EYA1: variants seen among roughly 807,000 people sequenced by gnomAD.
The protein encoded by EYA1 is EYA transcriptional coactivator and phosphatase 1.
A neutral mutation model predicts 82.0 loss-of-function variants in EYA1; 16 were observed. The ratio of observed to expected loss-of-function variants is 0.20; its 90% CI spans 0.13 to 0.30. The LOEUF (loss-of-function observed/expected upper bound fraction) is 0.30. EYA1 is among the 10% of genes least tolerant of loss of function. EYA1 has a pLI of 1.00. For missense variants in EYA1, 633 were observed against 730.7 expected (o/e 0.87, Z 1.54); for synonymous variants, 261 against 264.4 (o/e 0.99, Z 0.12).
chr8:71,218,937 T>C (rs1166013185), intron 12 of EYA1, among the ~76,000 whole-genome samples: 1 of 151,872 alleles, frequency 6.6e-6, no homozygotes, highest in Admixed American at 6.6e-5. Flanking sequence ...GGAAAATGTA[T>C]GTTCAAAAGA....
rs75622539 is a variant in EYA1, at chr8:71,214,898, CTA to C, written c.1597+487_1597+488del. ...AATTTCATAAGTATTTTCCTCCCAACTATGTTTCTTTCATGCAAGAAGCTTTT... is the reference window on the plus strand; with the variant it reads ...AATTTCATAAGTATTTTCCTCCCAACTGTTTCTTTCATGCAAGAAGCTTTT... On this transcript the variant is annotated intron_variant, in intron 16 of 17. Coordinates refer to ENST00000340726, the MANE Select transcript of EYA1 (RefSeq NM_000503.6). Among the ~76,000 whole-genome samples, 167 of 152,264 alleles carry C rather than the reference CTA, an allele frequency of 1.1e-3. 1 individual carries two copies. In the East Asian group the frequency reaches 0.025, roughly 23 times the overall value.
Position 71,271,624 on chromosome 8 carries a change from G to A in EYA1, c.966+134C>T, listed in dbSNP as rs540292985. On this transcript the variant is annotated intron_variant, in intron 10 of 17. Transcript: ENST00000340726. Reference sequence around the variant, plus strand: ...GAGAGAAAATATTACTTTATCTATTGTTAATATAAAAAAGAAAGCAGTAAC... The same window carrying A: ...GAGAGAAAATATTACTTTATCTATTATTAATATAAAAAAGAAAGCAGTAAC... 7 of 943,854 alleles carry A rather than the reference G, an allele frequency of 7.4e-6. No individual in the cohort carries two copies. In the South Asian group the frequency reaches 9.4e-5, roughly 13 times the overall value. The allele number at this position is 943,854 out of a possible 1,614,324, so 58.5% of individuals were successfully genotyped here.
chr8:71,245,220 T>G (rs1389793977), intron 11 of EYA1, among the ~76,000 whole-genome samples: 4 of 152,044 alleles, frequency 2.6e-5, no homozygotes, highest in African/African-American at 9.7e-5. Flanking sequence ...TAACACTATG[T>G]TTTAAGTGAT....
At chr8:71,392,133 C>A (rs532165920) in intron 2 of EYA1, among the ~76,000 whole-genome samples, 2 of 152,158 alleles carry the variant, frequency 1.3e-5, no homozygotes, top group Non-Finnish European at 2.9e-5. Flanking sequence ...TTCCTCTGTA[C>A]AGAAAAACAG....
At chr8:71,506,531 G>T (rs1007695364) in intron 2 of EYA1, among the ~76,000 whole-genome samples, 5 of 152,154 alleles carry the variant, frequency 3.3e-5, no homozygotes, top group Admixed American at 6.5e-5. Flanking sequence ...AATTATATTT[G>T]TTATTGTAAT....
chr8:71,223,479 T>C (rs1810188672), intron 12 of EYA1, among the ~76,000 whole-genome samples: 1 of 152,202 alleles, frequency 6.6e-6, no homozygotes, highest in African/African-American at 2.4e-5. Context: ...CTAACAGTCA[T>C]CTAACTACTC....
Position 71,471,182 on chromosome 8 carries a change from C to T in EYA1, c.33+64562G>A, listed in dbSNP as rs1165732512. ...CTCAATTAGAAGAGAGTCTGAATTG[C>T]CTCTTACTCTGGGGAAAGGGTCAGA... On this transcript the variant is annotated intron_variant, in intron 2 of 18. Transcript: ENST00000643681. Among the ~76,000 whole-genome samples, 13 of 151,828 alleles carry T rather than the reference C, an allele frequency of 8.6e-5. 1 individual carries two copies. Among genetic ancestry groups the T allele is most frequent in the Admixed American group, 7.9e-4 (12 of 15,210 alleles).
chr8:71,282,185 C>T (rs1418025364), intron 9 of EYA1, among the ~76,000 whole-genome samples: 1 of 152,188 alleles, frequency 6.6e-6, no homozygotes, highest in East Asian at 1.9e-4. Flanking sequence ...AGGCCAACCC[C>T]TCCTTTTGGC....
intron 1 of EYA1, among the ~76,000 whole-genome samples, chr8:71,537,167 C>G (rs1437231102): frequency 6.6e-6 from 1 of 152,042 alleles, no homozygotes; most frequent in Non-Finnish European, 1.5e-5. Context: ...AAAGTTGATG[C>G]TTTTTGGACA....
At chr8:71,299,265 T>A in intron 8 of EYA1, 32 bp from the exon 9 acceptor site, 1 of 1,598,716 alleles carries the variant, frequency 6.3e-7, no homozygotes, top group South Asian at 1.1e-5. Flanking sequence ...GAATTGTCTG[T>A]CAAAATACTG....
intron 17 of EYA1, among the ~76,000 whole-genome samples, chr8:71,202,076 C>T (rs1563603452): frequency 6.6e-6 from 1 of 152,166 alleles, no homozygotes; most frequent in South Asian, 2.1e-4. Context: ...AGTGGAATGC[C>T]TTTTTTCAGA....
At chr8:71,361,202 A>T (rs1827340048) in intron 1 of EYA1, among the ~76,000 whole-genome samples, 1 of 152,132 alleles carries the variant, frequency 6.6e-6, no homozygotes, top group Non-Finnish European at 1.5e-5. Context: ...TAAATGCTTC[A>T]TTTTTTTCAT....
At chr8:71,468,346 C>T (rs1486945682) in intron 2 of EYA1, among the ~76,000 whole-genome samples, 1 of 152,066 alleles carries the variant, frequency 6.6e-6, no homozygotes, top group Non-Finnish European at 1.5e-5. Context: ...CATTTCTAGG[C>T]ACACCAGCTT....
chr8:71,490,625 A>T (rs1180076560), intron 2 of EYA1, among the ~76,000 whole-genome samples: 1 of 152,180 alleles, frequency 6.6e-6, no homozygotes. Context: ...TAGATATGAA[A>T]GAAGATTATT....
chr8:71,368,026 G>C (rs1014622953), intron 2 of EYA1, among the ~76,000 whole-genome samples: 12 of 152,164 alleles, frequency 7.9e-5, no homozygotes, highest in African/African-American at 2.9e-4. Flanking sequence ...GTTGAAATGT[G>C]TGATTCATGT....
At chr8:71,397,803 T>C (rs1476233394) in intron 2 of EYA1, among the ~76,000 whole-genome samples, 1 of 152,156 alleles carries the variant, frequency 6.6e-6, no homozygotes, top group Non-Finnish European at 1.5e-5. Context: ...CTCTGTGGTG[T>C]TCTCTGTATT....
At chr8:71,374,525 G>A (rs1828257190) in intron 2 of EYA1, among the ~76,000 whole-genome samples, 1 of 152,146 alleles carries the variant, frequency 6.6e-6, no homozygotes, top group South Asian at 2.1e-4. Flanking sequence ...ACCTTTGCAG[G>A]CCATTGATGA....
At chr8:71,319,351 A>C (rs186211939) in intron 6 of EYA1, among the ~76,000 whole-genome samples, 1 of 152,082 alleles carries the variant, frequency 6.6e-6, no homozygotes, top group Non-Finnish European at 1.5e-5. Context: ...AGGATGGTCT[A>C]GATCTCCTGA....
rs149765697 is a variant in EYA1 at position 71,460,908 on chromosome 8, C to T, written c.33+74836G>A. ...CTAGAGAATGGGGAAGTAGCTGTAGCGCCTTTGAAGTCTTTGGCTAGAAAT... is the reference window on the plus strand; with the variant it reads ...CTAGAGAATGGGGAAGTAGCTGTAGTGCCTTTGAAGTCTTTGGCTAGAAAT... On this transcript the variant is annotated intron_variant, in intron 2 of 18. Coordinates refer to the EYA1 transcript ENST00000643681. 1.4e-4 allele frequency among the ~76,000 whole-genome samples: 22 copies of T among 152,270 alleles called. 1 individual carries two copies. In the East Asian group the frequency reaches 2.9e-3, roughly 20 times the overall value.
Sources: gnomAD v4.1 joint callset for allele counts (sites outside exome capture counted in the v4.1 genomes callset) on GRCh38, gnomAD v4.1.1 for gene constraint, MANE v1.5 for transcripts, NCBI Gene and HGNC (gene_info 2026-07-23, HGNC 2026-07-21) for gene names.